The following WWOX variants were observed in gnomAD, a reference collection of about 807,000 sequenced individuals.
WWOX encodes the protein WW domain containing oxidoreductase, also known as WW domain-containing oxidoreductase.
A neutral mutation model predicts 46.2 loss-of-function variants in WWOX; 69 were observed. The ratio of observed to expected loss-of-function variants is 1.49; its 90% CI spans 1.23 to 1.82. WWOX has a LOEUF of 1.82. WWOX is among the 40% of genes most tolerant of loss of function. The pLI is 0.00. For missense variants in WWOX, 919 were observed against 542.6 expected, an observed-to-expected ratio of 1.69 and a Z score of -6.89; for synonymous variants, 359 against 202.6, an observed-to-expected ratio of 1.77 and a Z score of -6.56.
chr16:78,325,886 G>A (rs2080600452), intron 5 of WWOX, among the ~76,000 whole-genome samples: 1 of 152,234 alleles, frequency 6.6e-6, no homozygotes, highest in Non-Finnish European at 1.5e-5. Context: ...GATTTTAAGA[G>A]TTAATCAAAT....
At chr16:78,929,599 G>C (rs145827777) in intron 8 of WWOX, among the ~76,000 whole-genome samples, 5 of 152,298 alleles carry the variant, frequency 3.3e-5, no homozygotes, top group African/African-American at 1.2e-4. Flanking sequence ...GGTGGACAAG[G>C]AGGGCGGGAT....
chr16:78,634,837 A>AGAGAGAGAGAGTGTGT (rs1346762709), intron 8 of WWOX, among the ~76,000 whole-genome samples: 10 of 111,716 alleles, frequency 9.0e-5, no homozygotes, highest in African/African-American at 1.4e-4. Flanking sequence ...AGAGAGAGAG[A>AGAGAGAGAGAGTGTGT]GTGTGTGTGT....
At chr16:78,107,422 T>G (rs1001753484) in intron 1 of WWOX, among the ~76,000 whole-genome samples, 2 of 152,222 alleles carry the variant, frequency 1.3e-5, no homozygotes, top group Non-Finnish European at 2.9e-5. Flanking sequence ...TTCTCAGAGC[T>G]TTTTGTATGC....
Position 79,181,910 on chromosome 16 carries a change from G to T in WWOX, c.1057-29698G>T, listed in dbSNP as rs562500648. 5.3e-5 allele frequency among the ~76,000 whole-genome samples: 8 copies of T among 152,314 alleles called. No individual in the cohort carries two copies. The East Asian group carries it at 7.7e-4, about 15-fold the overall frequency. ...CTGTTCCCCACTGGGATAGAGCATT[G>T]TTATTAATATAATTTTACAAACATC... On this transcript the variant is annotated intron_variant, in intron 8 of 8. Transcript: ENST00000566780.
At chr16:79,011,002 C>T (rs749342798) in intron 8 of WWOX, among the ~76,000 whole-genome samples, 9 of 152,008 alleles carry the variant, frequency 5.9e-5, no homozygotes, top group Admixed American at 2.0e-4. Flanking sequence ...GTAGCACGAT[C>T]TGGCTTACGA....
intron 8 of WWOX, among the ~76,000 whole-genome samples, chr16:78,830,965 T>A (rs1215063490): frequency 3.3e-5 from 5 of 152,216 alleles, no homozygotes; most frequent in Non-Finnish European, 7.3e-5. Flanking sequence ...TTAGGAGGAT[T>A]TGGAAACCAT....
At chr16:78,790,842 A>G (rs2050578445) in intron 8 of WWOX, among the ~76,000 whole-genome samples, 1 of 151,834 alleles carries the variant, frequency 6.6e-6, no homozygotes, top group South Asian at 2.1e-4. Flanking sequence ...AACATGGTGA[A>G]ACCTCATTTC....
At chr16:79,017,090 C>T (rs1017004387) in intron 8 of WWOX, 1 of 152,236 alleles carries the variant, frequency 6.6e-6, no homozygotes, top group Admixed American at 6.5e-5. Context: ...CCTCTGTGTT[C>T]TCTAGCTAGT....
chr16:79,066,373 C>G (rs1013496983), intron 8 of WWOX, among the ~76,000 whole-genome samples: 3 of 152,174 alleles, frequency 2.0e-5, no homozygotes, highest in Non-Finnish European at 4.4e-5. Context: ...TAGTAGACTC[C>G]ATCAGGGCTG....
At chr16:78,494,026 G>A (rs1417839466) in intron 8 of WWOX, among the ~76,000 whole-genome samples, 1 of 152,276 alleles carries the variant, frequency 6.6e-6, no homozygotes, top group Non-Finnish European at 1.5e-5. Context: ...TAGTTGGCTC[G>A]TGGTTCTGCA....
intron 4 of WWOX, among the ~76,000 whole-genome samples, chr16:78,161,479 C>T (rs542068281): frequency 3.6e-4 from 55 of 151,720 alleles, no homozygotes; most frequent in Admixed American, 7.2e-4. Context: ...CAGGGCCTTG[C>T]TCTGTCACTC....
chr16:78,271,202 G>A (rs766938773), intron 5 of WWOX, among the ~76,000 whole-genome samples: 21 of 152,066 alleles, frequency 1.4e-4, no homozygotes. Context: ...TGATGATTTC[G>A]TATGTTATCC....
Position 78,956,321 on chromosome 16 carries a change from T to A in WWOX, c.1057-255287T>A, listed in dbSNP as rs542737402. 1.3e-3 allele frequency among the ~76,000 whole-genome samples: 194 copies of A among 152,184 alleles called. 1 individual carries two copies. Among genetic ancestry groups the A allele is most frequent in the Non-Finnish European group, 2.4e-3 (161 of 67,996 alleles). The stretch of plus-strand genomic sequence containing the variant: ...CCACCATACCCAGCTCATTTTTTTT[T>A]AATATATATTTTTAGTGAAGGCGGA... On this transcript the variant is annotated intron_variant, in intron 8 of 8. Coordinates refer to ENST00000566780, the MANE Select transcript of WWOX (RefSeq NM_016373.4).
intron 8 of WWOX, among the ~76,000 whole-genome samples, chr16:79,093,479 A>G (rs924196360): frequency 1.3e-5 from 2 of 152,126 alleles, no homozygotes; most frequent in African/African-American, 4.8e-5. Flanking sequence ...TTGTGCTTGC[A>G]ATATATATGA....
At chr16:78,280,535 G>T (rs139995797) in intron 5 of WWOX, among the ~76,000 whole-genome samples, 4 of 152,144 alleles carry the variant, frequency 2.6e-5, no homozygotes, top group Admixed American at 2.0e-4. Flanking sequence ...TCACAGTTTT[G>T]TAAGTGGTAC....
At chr16:78,934,102 T>G (rs754792679) in intron 8 of WWOX, among the ~76,000 whole-genome samples, 12 of 151,594 alleles carry the variant, frequency 7.9e-5, no homozygotes, top group Non-Finnish European at 1.6e-4. Context: ...TTCGGAGGCC[T>G]AGGTGGGCAG....
chr16:78,614,501 G>A (rs532475317), intron 8 of WWOX, among the ~76,000 whole-genome samples: 2 of 152,332 alleles, frequency 1.3e-5, no homozygotes, highest in South Asian at 2.1e-4. Flanking sequence ...CCCTGTTCAC[G>A]GTGTGTGTCC....
At chr16:79,018,204 T>C (rs550730492) in intron 8 of WWOX, among the ~76,000 whole-genome samples, 3 of 152,332 alleles carry the variant, frequency 2.0e-5, no homozygotes, top group South Asian at 2.1e-4. Flanking sequence ...TCCCTAGTTA[T>C]TTTGCCTTTA....
intron 8 of WWOX, among the ~76,000 whole-genome samples, chr16:78,988,978 T>A (rs1352720366): frequency 6.6e-6 from 1 of 152,214 alleles, no homozygotes; most frequent in Non-Finnish European, 1.5e-5. Flanking sequence ...GGAGAATTCC[T>A]GAGTTCCTGT....
Sources: gnomAD v4.1 joint callset for allele counts (sites outside exome capture counted in the v4.1 genomes callset) on GRCh38, gnomAD v4.1.1 for gene constraint, MANE v1.5 for transcripts, NCBI Gene and HGNC (gene_info 2026-07-23, HGNC 2026-07-21) for gene names.